SEPTIN11: variants seen among roughly 807,000 people sequenced by gnomAD.
The protein encoded by SEPTIN11 is septin-11.
In SEPTIN11, 25 loss-of-function variants were observed where a neutral mutation model predicts 51.4. That is an observed-to-expected ratio of 0.49 (90% CI 0.35 to 0.68). The LOEUF (loss-of-function observed/expected upper bound fraction) is 0.68, where lower values mean the gene tolerates loss of function less well. Ranked by LOEUF, SEPTIN11 falls within the 30% of genes least tolerant of loss-of-function variation. The pLI is 0.00. For missense variants in SEPTIN11, 381 were observed against 520.8 expected, an observed-to-expected ratio of 0.73 and a Z score of 2.61; for synonymous variants, 174 against 184.1, an observed-to-expected ratio of 0.95 and a Z score of 0.44.
chr4:77,035,492 ACT>A lies in SEPTIN11; in HGVS notation c.*983_*984del. On this transcript the variant is annotated 3_prime_UTR_variant, in exon 10 of 10. Coordinates refer to ENST00000264893, the MANE Select transcript of SEPTIN11 (RefSeq NM_018243.4). ...ACTTCCCTTAGAAAATTTGCTATAAACTCTGTATCATTGGTAGCACAAATTTG... is the reference window on the plus strand; with the variant it reads ...ACTTCCCTTAGAAAATTTGCTATAAACTGTATCATTGGTAGCACAAATTTG... 1.0e-6 allele frequency: 1 copy of A among 985,334 alleles called. No homozygotes were observed. Among genetic ancestry groups the A allele is most frequent in the African/African-American group, 1.7e-5 (1 of 57,326 alleles). The allele number at this position is 985,334 out of a possible 1,614,324, so 61.0% of individuals were successfully genotyped here.
intron 1 of SEPTIN11, among the ~76,000 whole-genome samples, chr4:76,950,443 C>T (rs904044): frequency 0.071 from 10,875 of 152,320 alleles, 574 homozygotes; most frequent in South Asian, 0.16. Flanking sequence ...CGGACACCCT[C>T]GGGCATCCAC....
chr4:76,985,551 T>A (rs1722981762), intron 1 of SEPTIN11, among the ~76,000 whole-genome samples: 1 of 152,116 alleles, frequency 6.6e-6, no homozygotes, highest in Non-Finnish European at 1.5e-5. Flanking sequence ...CTGGGTAGGC[T>A]GTAGAGACAG....
rs1722907455 is a variant in SEPTIN11 at position 76,984,095 on chromosome 4, A to G, written c.28-12330A>G. ...TTAGTAATATTTGTAGAGCAAGACCAGATGTTAATTGGTATGTTTATTTCC... is the reference window on the plus strand; with the variant it reads ...TTAGTAATATTTGTAGAGCAAGACCGGATGTTAATTGGTATGTTTATTTCC... On this transcript the variant is annotated intron_variant, in intron 1 of 9. Transcript: ENST00000264893. The surrounding 1 kb of genome is among the most constrained non-coding windows in gnomAD (Gnocchi z 4.1). 6.6e-6 allele frequency among the ~76,000 whole-genome samples: 1 copy of G among 152,220 alleles called. No individual in the cohort carries two copies. Among genetic ancestry groups the G allele is most frequent in the African/African-American group, 2.4e-5 (1 of 41,442 alleles).
At chr4:77,013,155 A>C (rs574196444) in intron 4 of SEPTIN11, among the ~76,000 whole-genome samples, 126 of 152,342 alleles carry the variant, frequency 8.3e-4, no homozygotes, top group Admixed American at 2.2e-3. Context: ...GCCGGATAAT[A>C]TCCAACACTA....
intron 4 of SEPTIN11, among the ~76,000 whole-genome samples, chr4:77,012,199 G>T: frequency 6.8e-6 from 1 of 147,214 alleles, no homozygotes. Flanking sequence ...TTCCAGGTTT[G>T]TTTACTTTCT....
intron 7 of SEPTIN11, among the ~76,000 whole-genome samples, chr4:77,023,593 ATT>A (rs1725897151): frequency 1.3e-5 from 2 of 152,096 alleles, no homozygotes; most frequent in Admixed American, 1.3e-4. Context: ...TTTAGGGAAG[ATT>A]ACTTGGTACC....
At chr4:76,990,894 C>G (rs1326709231) in intron 1 of SEPTIN11, among the ~76,000 whole-genome samples, 1 of 152,222 alleles carries the variant, frequency 6.6e-6, no homozygotes, top group East Asian at 1.9e-4. Flanking sequence ...CTGCTAACTG[C>G]TGATTCTGCA....
chr4:76,954,989 T>G (rs1394176295), intron 1 of SEPTIN11, among the ~76,000 whole-genome samples: 1 of 152,206 alleles, frequency 6.6e-6, no homozygotes, highest in African/African-American at 2.4e-5. Context: ...ATTTATTTTT[T>G]TTTGCATTTT....
intron 5 of SEPTIN11, among the ~76,000 whole-genome samples, chr4:77,016,826 T>C (rs1358318787): frequency 1.3e-5 from 2 of 150,678 alleles, no homozygotes; most frequent in Non-Finnish European, 3.0e-5. Flanking sequence ...TTAAATAGAG[T>C]ATAATAACTA....
intron 2 of SEPTIN11, among the ~76,000 whole-genome samples, chr4:76,997,838 T>C (rs746418300): frequency 6.6e-6 from 1 of 152,200 alleles, no homozygotes; most frequent in Non-Finnish European, 1.5e-5. Flanking sequence ...TATTGAAAAG[T>C]ATGCTAAATT....
rs1211104690 is a variant in SEPTIN11 at position 77,036,427 on chromosome 4, C to T, written c.*1915C>T. On this transcript the variant is annotated 3_prime_UTR_variant, in exon 10 of 10. Transcript: ENST00000264893. The stretch of plus-strand genomic sequence containing the variant: ...TGTGTTGTATGCTTGTTCCAACCAC[C>T]GCTTGTGTGAGCATTTTTGTGGCTT... 1.6e-5 allele frequency: 19 copies of T among 1,170,336 alleles called. No individual in the cohort carries two copies. Among genetic ancestry groups the T allele is most frequent in the Middle Eastern group, 3.7e-4 (1 of 2,708 alleles). 72.5% of individuals were successfully genotyped at this position (1,170,336 alleles called of 1,614,324 possible).
At chr4:76,982,079 C>A (rs1334648178) in intron 1 of SEPTIN11, among the ~76,000 whole-genome samples, 1 of 152,194 alleles carries the variant, frequency 6.6e-6, no homozygotes, top group African/African-American at 2.4e-5. Flanking sequence ...GTCTTACATC[C>A]TCTACTCTTA....
intron 3 of SEPTIN11, among the ~76,000 whole-genome samples, chr4:77,010,369 A>G (rs1724777025): frequency 6.6e-6 from 1 of 152,082 alleles, no homozygotes; most frequent in South Asian, 2.1e-4. Flanking sequence ...ATTAGAAAAT[A>G]TAGAAGAATC....
intron 1 of SEPTIN11, among the ~76,000 whole-genome samples, chr4:76,992,802 AAC>A (rs1372247104): frequency 1.3e-5 from 2 of 152,238 alleles, no homozygotes; most frequent in Non-Finnish European, 1.5e-5. Context: ...TGGATATGTA[AAC>A]ACTGGCTGTA....
Position 76,958,804 on chromosome 4 carries a change from A to G in SEPTIN11, c.27+8874A>G, listed in dbSNP as rs1425667919. ...TACTTTATGTTTTTTGTAAATTAAA[A>G]AAAAATAAGTTTTAAATAGTCAATG... is the stretch of plus-strand genomic sequence containing the variant. On this transcript the variant is annotated intron_variant, in intron 1 of 9. Transcript: ENST00000264893. 6 of 1,163,906 alleles carry G rather than the reference A, an allele frequency of 5.2e-6. No individual in the cohort carries two copies. In the Admixed American group the frequency reaches 8.5e-5, roughly 16 times the overall value. 72.1% of individuals were successfully genotyped at this position (1,163,906 alleles called of 1,614,324 possible).
At chr4:77,019,451 TGGAGA>T (rs1725537820) in intron 6 of SEPTIN11, among the ~76,000 whole-genome samples, 190 bp downstream of exon 6, 1 of 152,098 alleles carries the variant, frequency 6.6e-6, no homozygotes, top group Admixed American at 6.5e-5. Flanking sequence ...AGGTAGACAA[TGGAGA>T]GACATGGCTG....
intron 3 of SEPTIN11, among the ~76,000 whole-genome samples, chr4:77,008,649 A>G (rs987308898): frequency 8.5e-5 from 13 of 152,054 alleles, no homozygotes; most frequent in African/African-American, 2.7e-4. Context: ...ATCTTTTTCC[A>G]TCGGTTTTAG....
intron 1 of SEPTIN11, among the ~76,000 whole-genome samples, chr4:76,962,577 A>T (rs903756740): frequency 6.6e-6 from 1 of 152,156 alleles, no homozygotes; most frequent in African/African-American, 2.4e-5. Flanking sequence ...CTCACTTGGC[A>T]TTACCTATAT....
At chr4:77,016,863 ATAT>A (rs1466961287) in intron 5 of SEPTIN11, among the ~76,000 whole-genome samples, 4 of 151,704 alleles carry the variant, frequency 2.6e-5, no homozygotes, top group South Asian at 2.1e-4. Context: ...ATTGTCTTAG[ATAT>A]TATAAGTAAT....
Sources: gnomAD v4.1 joint callset for allele counts (sites outside exome capture counted in the v4.1 genomes callset) on GRCh38, gnomAD v4.1.1 for gene constraint, Gnocchi (gnomAD v3.1) non-coding constraint, MANE v1.5 for transcripts, NCBI Gene and HGNC (gene_info 2026-07-23, HGNC 2026-07-21) for gene names.